The following CELF2 variants were observed in gnomAD, a reference collection of about 807,000 sequenced individuals.
CELF2 encodes the protein CUGBP Elav-like family member 2, also known as CUG triplet repeat RNA-binding protein 2.
A neutral mutation model predicts 62.6 loss-of-function variants in CELF2; 8 were observed. The ratio of observed to expected loss-of-function variants is 0.13; its 90% CI spans 0.07 to 0.23. The LOEUF (loss-of-function observed/expected upper bound fraction) is 0.23, where lower values mean the gene tolerates loss of function less well. CELF2 is among the 10% of genes least tolerant of loss of function. The pLI, the probability that CELF2 is intolerant of heterozygous loss-of-function variation, is 1.00. For missense variants in CELF2, 333 were observed against 671.0 expected (o/e 0.50, Z 5.56); for synonymous variants, 258 against 250.0 (o/e 1.03, Z -0.30).
In CELF2 at chr10:11,321,484, T is replaced by A; in HGVS notation, c.1294+98T>A. 1 of 931,104 alleles carries A rather than the reference T, an allele frequency of 1.1e-6. No homozygotes were observed. The highest frequency in any genetic ancestry group is 1.6e-5 in the South Asian group (1 of 60,918). 57.7% of individuals were successfully genotyped at this position (931,104 alleles called of 1,614,324 possible). A position where few individuals can be genotyped will look rare whatever the true frequency, so the allele number is the denominator to read the frequency against. On this transcript the variant is annotated intron_variant, in intron 11 of 12. Coordinates refer to ENST00000633077, the MANE Select transcript of CELF2 (RefSeq NM_001326342.2). The surrounding 1 kb of genome is among the most constrained non-coding windows in gnomAD (Gnocchi z 6.2). ...GGTATCAAATTGAACTGAACCCATG[T>A]CATAACAGAAAGCAGTTGTTTTGTT...
the CELF2 span, among the ~76,000 whole-genome samples, chr10:10,692,367 T>C: frequency 6.6e-5 from 10 of 151,544 alleles, no homozygotes; most frequent in African/African-American, 2.4e-4. Context: ...CATTGATCTA[T>C]ATCTCTGTTT....
At chr10:11,275,626 C>T (rs1364460137) in intron 8 of CELF2, among the ~76,000 whole-genome samples, 1 of 152,144 alleles carries the variant, frequency 6.6e-6, no homozygotes, top group Non-Finnish European at 1.5e-5. Context: ...TGCCTTTTTA[C>T]CGTAGTGCCC....
intron 1 of CELF2, among the ~76,000 whole-genome samples, chr10:11,045,782 A>G (rs1452488524): frequency 6.6e-6 from 1 of 152,188 alleles, no homozygotes; most frequent in East Asian, 1.9e-4. Context: ...GCTGAACGCA[A>G]TATAACAAAT....
At chr10:11,031,674 A>C (rs114958210) in intron 1 of CELF2, among the ~76,000 whole-genome samples, 143 of 152,298 alleles carry the variant, frequency 9.4e-4, no homozygotes, top group African/African-American at 3.3e-3. Context: ...TACTGATGCA[A>C]ACATTATCTA....
At chr10:11,114,549 CTTGAAA>C (rs1222083775) in intron 1 of CELF2, among the ~76,000 whole-genome samples, 2 of 152,150 alleles carry the variant, frequency 1.3e-5, no homozygotes, top group Non-Finnish European at 1.5e-5. Flanking sequence ...CAAAAAAGGA[CTTGAAA>C]TTAAGACCCA....
chr10:10,859,444 G>A (rs924264436), intron 1 of CELF2, among the ~76,000 whole-genome samples: 2 of 152,022 alleles, frequency 1.3e-5, no homozygotes, highest in Admixed American at 6.6e-5. Flanking sequence ...ATTTTCCTAA[G>A]CAAACAAGGT....
chr10:10,485,413 A>G, the CELF2 span, among the ~76,000 whole-genome samples: 1 of 152,348 alleles, frequency 6.6e-6, no homozygotes, highest in East Asian at 1.9e-4. Flanking sequence ...ACCTGTACAC[A>G]TATAAACTTT....
the CELF2 span, among the ~76,000 whole-genome samples, chr10:10,650,125 A>G: frequency 6.6e-6 from 1 of 152,250 alleles, no homozygotes; most frequent in Non-Finnish European, 1.5e-5. Flanking sequence ...GATAGAGGAC[A>G]GTGCAAAGTT....
chr10:10,620,763 G>A, the CELF2 span, among the ~76,000 whole-genome samples: 3 of 146,552 alleles, frequency 2.0e-5, no homozygotes, highest in South Asian at 6.6e-4. Context: ...AAAATTAGCC[G>A]GGAGTGGTGG....
the CELF2 span, among the ~76,000 whole-genome samples, chr10:10,580,193 A>C: frequency 6.6e-6 from 1 of 152,154 alleles, no homozygotes; most frequent in Non-Finnish European, 1.5e-5. Flanking sequence ...AAAAGCTTAT[A>C]ATCACTCCTG....
chr10:11,086,669 C>G (rs911207589), intron 1 of CELF2, among the ~76,000 whole-genome samples: 1 of 144,656 alleles, frequency 6.9e-6, no homozygotes. Flanking sequence ...ATAAATCTCT[C>G]GAGGCATTCA....
intron 2 of CELF2, among the ~76,000 whole-genome samples, chr10:10,927,897 T>A (rs1476136730): frequency 6.6e-6 from 1 of 152,184 alleles, no homozygotes; most frequent in Non-Finnish European, 1.5e-5. Flanking sequence ...CATCAAAATA[T>A]TGTTTTTTTC....
At position 10,983,677 on chromosome 10, in the gene CELF2, C is replaced by G. The variant is rs1335895132; in HGVS notation, c.89+63678C>G. On this transcript the variant is annotated intron_variant, in intron 2 of 13. Transcript: ENST00000636488. The surrounding 1 kb of genome is among the most constrained non-coding windows in gnomAD (Gnocchi z 5.2). ...CCACCTCCCAGGTTCAAGCGATTCT[C>G]CTGCCTCAGCCTCCCAAGTAACTGA... Among the ~76,000 whole-genome samples, 2 of 152,202 alleles carry G rather than the reference C, an allele frequency of 1.3e-5. No homozygotes were observed. The highest frequency in any genetic ancestry group is 4.8e-5 in the African/African-American group (2 of 41,454).
intron 1 of CELF2, chr10:11,102,084 T>C (rs1218871899): frequency 1.3e-5 from 2 of 152,218 alleles, no homozygotes; most frequent in Non-Finnish European, 2.9e-5. Context: ...GGTTGATTAG[T>C]ATAATAGTGT....
the CELF2 span, among the ~76,000 whole-genome samples, chr10:10,505,698 G>A: frequency 6.6e-6 from 1 of 152,176 alleles, no homozygotes; most frequent in South Asian, 2.1e-4. Context: ...CTATGAGTAT[G>A]ACTGAAGTCA....
upstream of CELF2, among the ~76,000 whole-genome samples, chr10:10,796,357 C>T (rs980696970): frequency 2.6e-5 from 4 of 152,216 alleles, no homozygotes; most frequent in African/African-American, 9.7e-5. Flanking sequence ...ACTACTGTAT[C>T]TGTTTCTGTA....
chr10:11,040,158 C>A (rs76701205), intron 1 of CELF2, among the ~76,000 whole-genome samples: 44 of 152,206 alleles, frequency 2.9e-4, no homozygotes, highest in Admixed American at 5.2e-4. Flanking sequence ...TCAGGGCAGT[C>A]CAAAGCAGAA....
chr10:10,566,463 A>C, the CELF2 span, among the ~76,000 whole-genome samples: 1 of 147,158 alleles, frequency 6.8e-6, no homozygotes, highest in Non-Finnish European at 1.5e-5. Flanking sequence ...ACATGTGCAC[A>C]TTGTGCAGGT....
intron 1 of CELF2, among the ~76,000 whole-genome samples, chr10:10,813,525 T>C (rs76316268): frequency 6.6e-6 from 1 of 152,366 alleles, no homozygotes; most frequent in East Asian, 1.9e-4. Context: ...TGGTTATTTG[T>C]AAATGGCATG....
Sources: allele counts gnomAD v4.1 joint callset (sites outside exome capture counted in the v4.1 genomes callset), GRCh38; gene constraint gnomAD v4.1.1; non-coding constraint Gnocchi (gnomAD v3.1); transcripts MANE v1.5; gene names NCBI Gene and HGNC (gene_info 2026-07-23, HGNC 2026-07-21).